C16orf89: variants seen among roughly 807,000 people sequenced by gnomAD.
The protein encoded by C16orf89 is UPF0764 protein C16orf89.
A neutral mutation model predicts 41.5 loss-of-function variants in C16orf89; 57 were observed. The observed-to-expected ratio is 1.38, with a 90% CI of 1.11 to 1.71. C16orf89 has a LOEUF of 1.71. Among genes scored for constraint, C16orf89 ranks in the 40% most tolerant of loss-of-function variants. C16orf89 has a pLI of 0.00. For missense variants in C16orf89, 575 were observed against 445.9 expected (o/e 1.29, Z -2.61); for synonymous variants, 223 against 190.6 (o/e 1.17, Z -1.40).
At chr16:5,044,025 A>G (rs993343749), downstream of C16orf89, 31 of 758,760 alleles carry the variant, frequency 4.1e-5, no homozygotes, top group Middle Eastern at 6.1e-4. Flanking sequence ...GGAAAAAAGA[A>G]AAAAGAATTT....
intron 7 of C16orf89, chr16:5,044,921 A>T (rs1404697736): frequency 8.1e-7 from 1 of 1,228,642 alleles, no homozygotes; most frequent in Non-Finnish European, 1.0e-6. Context: ...GTGCTCCCTT[A>T]GGCCCCTTTT....
rs930485609 is a variant in C16orf89 at position 5,062,436 on chromosome 16, T to C, written c.347A>G (p.Lys116Arg). The change falls in exon 2 of 8, where the codon AAG becomes AGG. Residue 116 changes from lysine (K) to arginine (R), a missense_variant. Transcript: ENST00000472572. ...SLHYLKLSDPKYLREFQLTLQ... is the reference protein window; with the variant it reads ...SLHYLKLSDPRYLREFQLTLQ... ...CTGCGTGTGCTCACCTCTTAGGTAC[T>C]TGGGATCACTCAGCTTGAGGTAGTG... The C allele has an allele frequency of 8.1e-6, 13 of 1,612,866 alleles. No homozygotes were observed. Among genetic ancestry groups the C allele is most frequent in the Non-Finnish European group, 1.1e-5 (13 of 1,179,638 alleles).
intron 3 of C16orf89, 147 bp from the exon 4 acceptor site, chr16:5,058,757 C>A: frequency 1.7e-6 from 1 of 592,858 alleles, no homozygotes; most frequent in South Asian, 2.3e-5. Context: ...ATACAGCAGT[C>A]CTGCATTTTG....
At chr16:5,044,857 G>A in intron 7 of C16orf89, 2 of 1,252,174 alleles carry the variant, frequency 1.6e-6, no homozygotes, top group South Asian at 1.3e-5. Context: ...AAAAAAAAAA[G>A]TGCTTTTCAG....
At chr16:5,065,163 G>A (rs1225374551) in intron 1 of C16orf89, among the ~76,000 whole-genome samples, 3 of 152,134 alleles carry the variant, frequency 2.0e-5, no homozygotes, top group East Asian at 1.9e-4. Context: ...CATGATGTGC[G>A]CATGTGTGTG....
At chr16:5,064,715 G>A (rs1956699408) in intron 1 of C16orf89, among the ~76,000 whole-genome samples, 1 of 152,196 alleles carries the variant, frequency 6.6e-6, no homozygotes, top group Admixed American at 6.5e-5. Context: ...ATTATTGAGA[G>A]GAGAAGGGGC....
rs369255385 is a variant in C16orf89, at chr16:5,047,937, G to C, written c.896C>G (p.Ala299Gly). Reference protein sequence around the residue: ...PDAEDEELSKAIQYQQHFSRR... With the variant: ...PDAEDEELSKGIQYQQHFSRR... ...CGAAAAATGCTGCTGATATTGAATA[G>C]CTTTAGATAATTCTTCATCTTCAGC... Residue 299 changes from alanine to glycine, a missense_variant, in exon 7 of 8, where the codon GCT (alanine) becomes GGT (glycine). By Grantham distance (60) the Ala-to-Gly change is moderately conservative. Transcript: ENST00000472572. The C allele has an allele frequency of 4.4e-5, 70 of 1,599,978 alleles. 1 individual carries two copies. The highest frequency in any genetic ancestry group is 4.1e-4 in the South Asian group (37 of 90,294).
intron 1 of C16orf89, 67 bp from the exon 2 acceptor site, chr16:5,062,641 G>A: frequency 1.4e-6 from 2 of 1,431,716 alleles, no homozygotes; most frequent in Admixed American, 2.3e-5. Context: ...CTTGGAACAA[G>A]AAAAAAAAAT....
intron 1 of C16orf89, among the ~76,000 whole-genome samples, chr16:5,063,826 T>C (rs1248768631): frequency 6.6e-6 from 1 of 152,122 alleles, no homozygotes; most frequent in Non-Finnish European, 1.5e-5. Flanking sequence ...TATAACATAA[T>C]AACAATAAAC....
downstream of C16orf89, chr16:5,042,903 C>G (rs17137544): frequency 0.21 from 31,441 of 152,242 alleles, 4,261 homozygotes; most frequent in East Asian, 0.46. This position sits in a 1 kb window ranked among gnomAD's most constrained non-coding sequence, Gnocchi z 4.2. Context: ...GACAAGGCAG[C>G]GGCCTCTTCT....
rs1179706074 is a variant in C16orf89, at chr16:5,060,273, G to T, written c.509+13C>A. The T allele has an allele frequency of 1.9e-6, 3 of 1,600,130 alleles. No homozygotes were observed. Among genetic ancestry groups the T allele is most frequent in the African/African-American group, 1.3e-5 (1 of 74,706 alleles). ...TTTGGGTTTCCAGCAAATAGGGCAA[G>T]TGCAGGGCCCACCCGGTTCCCAGCA... On this transcript the variant is annotated intron_variant, in intron 3 of 7. Coordinates refer to ENST00000472572, the MANE Select transcript of C16orf89 (RefSeq NM_001098514.3).
intron 7 of C16orf89, among the ~76,000 whole-genome samples, chr16:5,047,263 A>G (rs1956314308): frequency 6.6e-6 from 1 of 151,974 alleles, no homozygotes; most frequent in African/African-American, 2.4e-5. Context: ...GGGTTTTTCC[A>G]CCTTTTCTGT....
chr16:5,052,055 C>G (rs987460888), intron 6 of C16orf89, among the ~76,000 whole-genome samples: 11 of 136,746 alleles, frequency 8.0e-5, no homozygotes, highest in African/African-American at 3.0e-4. Context: ...GTGAGCAAGA[C>G]TGTGCTACGG....
At chr16:5,065,606 G>C in intron 1 of C16orf89, 95 bp downstream of exon 1, 1 of 1,375,196 alleles carries the variant, frequency 7.3e-7, no homozygotes, top group Non-Finnish European at 1.0e-6. Flanking sequence ...CTGGGGCCAG[G>C]AGTCTGCCAG....
At chr16:5,063,745 A>G (rs991540200) in intron 1 of C16orf89, among the ~76,000 whole-genome samples, 18 of 152,194 alleles carry the variant, frequency 1.2e-4, no homozygotes, top group Admixed American at 1.1e-3. Context: ...AGACGGGATT[A>G]TCTACTTGCA....
intron 6 of C16orf89, among the ~76,000 whole-genome samples, chr16:5,048,949 C>G (rs992065220): frequency 6.6e-6 from 1 of 151,990 alleles, no homozygotes; most frequent in African/African-American, 2.4e-5. Context: ...AAAAAACGAC[C>G]CAACTATATG....
rs1428988465 is a variant in C16orf89 at position 5,062,405 on chromosome 16, G to C, written c.358+20C>G. The C allele has an allele frequency of 1.1e-5, 18 of 1,596,348 alleles. 1 individual carries two copies. In the Admixed American group the frequency reaches 3.0e-4, roughly 26 times the overall value. On this transcript the variant is annotated intron_variant, in intron 2 of 7. Coordinates refer to ENST00000472572, the MANE Select transcript of C16orf89 (RefSeq NM_001098514.3). ...ATAGGCGCTATTCCTGAGGGAATGG[G>C]ACACCCTGCGTGTGCTCACCTCTTA...
At chr16:5,057,368 G>A (rs895484506) in intron 4 of C16orf89, among the ~76,000 whole-genome samples, 15 of 142,436 alleles carry the variant, frequency 1.1e-4, no homozygotes, top group South Asian at 4.4e-4. Flanking sequence ...TATATATATC[G>A]TGATATATAT....
At chr16:5,043,092 C>T (rs1956235716), downstream of C16orf89, 1 of 152,094 alleles carries the variant, frequency 6.6e-6, no homozygotes, top group South Asian at 2.1e-4. Context: ...TTGACTCCCA[C>T]TCTGTTACCC....
Sources: allele counts gnomAD v4.1 joint callset (sites outside exome capture counted in the v4.1 genomes callset), GRCh38; gene constraint gnomAD v4.1.1; non-coding constraint Gnocchi (gnomAD v3.1); transcripts MANE v1.5; gene names NCBI Gene and HGNC (gene_info 2026-07-23, HGNC 2026-07-21).